The following MID1 variants were observed in gnomAD, a reference collection of about 807,000 sequenced individuals.
MID1 encodes the protein midline 1.
In MID1, 7 loss-of-function variants were observed where a neutral mutation model predicts 40.4. That is an observed-to-expected ratio of 0.17 (90% CI 0.10 to 0.33). MID1 has a LOEUF of 0.33. MID1 is among the 10% of genes least tolerant of loss of function. The pLI is 1.00. For missense variants in MID1, 367 were observed against 558.5 expected (o/e 0.66, Z 3.46); for synonymous variants, 229 against 221.2 (o/e 1.04, Z -0.31).
intron 1 of MID1, among the ~76,000 whole-genome samples, chrX:10,668,060 C>T (rs992326340): frequency 2.7e-5 from 3 of 111,742 alleles, no homozygotes; most frequent in East Asian, 5.6e-4. Context: ...TCACTGAATA[C>T]GCATCTTGGG....
intron 2 of MID1, among the ~76,000 whole-genome samples, chrX:10,566,062 G>A (rs138145810): frequency 0.03 from 3,292 of 110,524 alleles, 123 homozygotes; most frequent in African/African-American, 0.1. Context: ...CACTCTCCTC[G>A]GCCTCCCAAA....
At chrX:10,753,785 A>G (rs2147115822) in intron 1 of MID1, among the ~76,000 whole-genome samples, 1 of 112,462 alleles carries the variant, frequency 8.9e-6, no homozygotes, top group South Asian at 3.7e-4. Flanking sequence ...TCTAGAAAAT[A>G]GTGATGCATG....
chrX:10,724,599 A>T (rs778577059), intron 1 of MID1, among the ~76,000 whole-genome samples: 1 of 111,660 alleles, frequency 9.0e-6, no homozygotes, highest in South Asian at 3.7e-4. Context: ...ACCGGAAAAA[A>T]CTCTAAATGC....
At chrX:10,818,899 G>A (rs769636430) in intron 1 of MID1, among the ~76,000 whole-genome samples, 14 of 111,853 alleles carry the variant, frequency 1.3e-4, no homozygotes, top group African/African-American at 3.9e-4. Context: ...ACACAGTAGA[G>A]ATTCTAAGTT....
At chrX:10,657,896 G>T (rs939604907) in intron 1 of MID1, among the ~76,000 whole-genome samples, 19 of 111,915 alleles carry the variant, frequency 1.7e-4, no homozygotes, top group Non-Finnish European at 3.4e-4. Context: ...AGACTTCATT[G>T]ACTTTTTTGG....
At chrX:10,808,380 T>C (rs187604107) in intron 1 of MID1, among the ~76,000 whole-genome samples, 16 of 111,504 alleles carry the variant, frequency 1.4e-4, no homozygotes, top group African/African-American at 4.9e-4. Context: ...ATGCATTTAA[T>C]CTGTGATGAC....
At chrX:10,766,471 C>A (rs1486254486) in intron 1 of MID1, among the ~76,000 whole-genome samples, 1 of 111,883 alleles carries the variant, frequency 8.9e-6, no homozygotes, top group Non-Finnish European at 1.9e-5. Flanking sequence ...AGACACAGAA[C>A]CAAACCAAAC....
At chrX:10,554,647 C>T (rs1203986426) in intron 2 of MID1, among the ~76,000 whole-genome samples, 2 of 111,469 alleles carry the variant, frequency 1.8e-5, no homozygotes, top group Admixed American at 1.9e-4. Flanking sequence ...ATAAGTGAGG[C>T]CCTTGTTTGC....
At position 10,765,620 on chromosome X, in the gene MID1, A is replaced by T. The variant is rs192741095; in HGVS notation, c.-187+67934T>A. On this transcript the variant is annotated intron_variant, in intron 1 of 10. Transcript: ENST00000380785. ...AAAATGTTGCCAATGTGGGCTTTTT[A>T]AAAATTCTAGTTTATCACTGTTAAT... Among the ~76,000 whole-genome samples, 661 of 111,427 alleles carry T rather than the reference A, an allele frequency of 5.9e-3. 4 individuals carry two copies. The highest frequency in any genetic ancestry group is 0.02 in the African/African-American group (623 of 30,631).
intron 1 of MID1, among the ~76,000 whole-genome samples, chrX:10,602,586 C>T (rs1935551934): frequency 1.8e-5 from 2 of 112,101 alleles, no homozygotes; most frequent in South Asian, 7.4e-4. Context: ...CCCTTTGTGA[C>T]TGGCTTCTCT....
At chrX:10,721,105 G>A (rs915589119) in intron 1 of MID1, among the ~76,000 whole-genome samples, 3 of 110,073 alleles carry the variant, frequency 2.7e-5, no homozygotes, top group Non-Finnish European at 5.7e-5. Context: ...GTTAAATGAC[G>A]AGTTAATGGG....
chrX:10,539,714 C>CA (rs35999366), intron 2 of MID1, among the ~76,000 whole-genome samples: 46 of 110,049 alleles, frequency 4.2e-4, no homozygotes, highest in Middle Eastern at 4.8e-3. Flanking sequence ...CCTCAATAGC[C>CA]AAAAAAAAAT....
chrX:10,614,172 G>A (rs1178054302), intron 1 of MID1, among the ~76,000 whole-genome samples: 11 of 111,187 alleles, frequency 9.9e-5, no homozygotes. Context: ...GTGGATAAGA[G>A]GATGCTACAG....
intron 1 of MID1, among the ~76,000 whole-genome samples, chrX:10,821,388 A>G: frequency 8.9e-6 from 1 of 112,017 alleles, no homozygotes. Flanking sequence ...CACTTGCACT[A>G]CTATTGTGGA....
At chrX:10,685,664 C>T (rs1466256948) in intron 1 of MID1, among the ~76,000 whole-genome samples, 1 of 111,148 alleles carries the variant, frequency 9.0e-6, no homozygotes, top group African/African-American at 3.3e-5. Context: ...CCTTTTTGTC[C>T]AACCCTGTTT....
intron 1 of MID1, among the ~76,000 whole-genome samples, chrX:10,737,922 G>T: frequency 9.0e-6 from 1 of 111,235 alleles, no homozygotes; most frequent in Non-Finnish European, 1.9e-5. Context: ...AGACCAAGGG[G>T]GGATAGAAAA....
chrX:10,450,988 T>C (rs1225750673), intron 9 of MID1, among the ~76,000 whole-genome samples: 1 of 111,980 alleles, frequency 8.9e-6, no homozygotes, highest in Non-Finnish European at 1.9e-5. Flanking sequence ...TTCATGGGTC[T>C]TTAATAAAAT....
intron 1 of MID1, among the ~76,000 whole-genome samples, chrX:10,626,369 C>A (rs894267553): frequency 1.9e-5 from 2 of 107,829 alleles, no homozygotes; most frequent in Non-Finnish European, 3.8e-5. Context: ...CGCTGTGTTG[C>A]CCAGGCTGGA....
intron 1 of MID1, among the ~76,000 whole-genome samples, chrX:10,767,316 C>CTTTG (rs780602018): frequency 2.0e-5 from 2 of 101,566 alleles, no homozygotes; most frequent in Non-Finnish European, 3.8e-5. Flanking sequence ...CTTTTGATTT[C>CTTTG]TTTCTTTCTT....
Sources: allele counts gnomAD v4.1 joint callset (sites outside exome capture counted in the v4.1 genomes callset), GRCh38; gene constraint gnomAD v4.1.1; transcripts MANE v1.5; gene names NCBI Gene and HGNC (gene_info 2026-07-23, HGNC 2026-07-21).